The following CRTAC1 variants were observed in gnomAD, a reference collection of about 807,000 sequenced individuals.
The protein encoded by CRTAC1 is cartilage acidic protein 1.
Under a neutral mutation model 67.8 loss-of-function variants are expected in CRTAC1, and 37 were observed. The observed-to-expected ratio is 0.55, with a 90% CI of 0.42 to 0.72. The LOEUF (loss-of-function observed/expected upper bound fraction) is 0.72, where lower values mean the gene tolerates loss of function less well. CRTAC1 is among the 30% of genes least tolerant of loss of function. The pLI is 0.00. For synonymous variants in CRTAC1, 348 were observed against 371.0 expected (o/e 0.94, Z 0.71); for missense variants, 780 against 931.6 (o/e 0.84, Z 2.12).
intron 2 of CRTAC1, among the ~76,000 whole-genome samples, chr10:97,940,686 C>T (rs997488029): frequency 2.0e-5 from 3 of 152,202 alleles, no homozygotes; most frequent in Non-Finnish European, 4.4e-5. Flanking sequence ...CCTGCCACCT[C>T]CTGGTCTGAC....
chr10:97,873,191 T>G (rs1486324839), intron 14 of CRTAC1, among the ~76,000 whole-genome samples: 1 of 152,036 alleles, frequency 6.6e-6, no homozygotes, highest in Non-Finnish European at 1.5e-5. Context: ...AGGGTCTGGA[T>G]TTCAAGTCCA....
At chr10:97,926,697 G>A (rs986201427) in intron 3 of CRTAC1, among the ~76,000 whole-genome samples, 2 of 152,168 alleles carry the variant, frequency 1.3e-5, no homozygotes, top group African/African-American at 4.8e-5. Flanking sequence ...ATTAGCCCAG[G>A]ACAGGTTTTG....
chr10:98,004,567 T>TATCC (rs1377511608), intron 2 of CRTAC1, among the ~76,000 whole-genome samples: 1 of 152,214 alleles, frequency 6.6e-6, no homozygotes, highest in Non-Finnish European at 1.5e-5. Flanking sequence ...CATTTCTTGG[T>TATCC]ATCCATCCTA....
intron 2 of CRTAC1, among the ~76,000 whole-genome samples, chr10:97,982,404 C>A (rs1416850126): frequency 6.6e-6 from 1 of 152,198 alleles, no homozygotes; most frequent in African/African-American, 2.4e-5. Context: ...GAAGTTAAAT[C>A]AGTCAGTGGA....
rs1016726942 is a variant in CRTAC1, at chr10:97,907,938, G to A, written c.850+75C>T. 8 of 1,523,836 alleles carry A rather than the reference G, an allele frequency of 5.2e-6. No individual in the cohort carries two copies. In the African/African-American group the frequency reaches 1.1e-4, roughly 21 times the overall value. 94.4% of individuals were successfully genotyped at this position (1,523,836 alleles called of 1,614,324 possible). On this transcript the variant is annotated intron_variant, in intron 6 of 14. Transcript: ENST00000370597. ...GCCAGAAGAGACTATCCTGGAGGGG[G>A]CAGGGCAGTCTGGAGTCCTCTGTGG...
chr10:97,932,795 G>A (rs966292437), intron 3 of CRTAC1, among the ~76,000 whole-genome samples: 1 of 152,318 alleles, frequency 6.6e-6, no homozygotes, highest in East Asian at 1.9e-4. Flanking sequence ...GCCACTAGTG[G>A]GAGTTGAGCT....
In CRTAC1 at chr10:97,901,532, G is replaced by A; in HGVS notation, c.1104C>T (p.Tyr368=). The change falls in exon 8 of 15, where the codon TAC becomes TAT. Residue 368 remains tyrosine, a synonymous_variant. Coordinates refer to ENST00000370597, the MANE Select transcript of CRTAC1 (RefSeq NM_018058.7). ...ELEIFFNNIA[Y]RSSSANRLFR... is the part of the protein sequence containing the mutation. ...AGAGGCGGTTGGCTGAGGAGCTGCG[G>A]TAGGCAATGTTGTTGAAGAAGATCT... is the stretch of plus-strand genomic sequence containing the variant. The A allele has an allele frequency of 2.5e-6, 4 of 1,614,232 alleles. No individual in the cohort carries two copies. Among genetic ancestry groups the A allele is most frequent in the Non-Finnish European group, 3.4e-6 (4 of 1,180,050 alleles).
intron 14 of CRTAC1, among the ~76,000 whole-genome samples, chr10:97,875,403 C>A (rs1038266715): frequency 6.6e-6 from 1 of 152,212 alleles, no homozygotes; most frequent in Non-Finnish European, 1.5e-5. Flanking sequence ...CCTCTGGTGG[C>A]CTATTTTTTG....
rs575374914 is a variant in CRTAC1, at chr10:97,916,993, T to G, written c.715+507A>C. Among the ~76,000 whole-genome samples, 3 of 152,290 alleles carry G rather than the reference T, an allele frequency of 2.0e-5. No homozygotes were observed. In the South Asian group the frequency reaches 6.2e-4, roughly 32 times the overall value. On this transcript the variant is annotated intron_variant, in intron 5 of 14. Transcript: ENST00000370597. The stretch of plus-strand genomic sequence containing the variant: ...GCTGGAGAGGTTTTGGAACAAGAAC[T>G]CAATTCTTTGAGCTCAGTTATCCGA...
chr10:97,891,525 G>C (rs560777765), intron 11 of CRTAC1, among the ~76,000 whole-genome samples: 6 of 152,354 alleles, frequency 3.9e-5, no homozygotes, highest in Non-Finnish European at 7.3e-5. Context: ...CCAGTATGGC[G>C]GTGTGTCCAG....
At chr10:97,970,879 C>G (rs2051699449) in intron 2 of CRTAC1, among the ~76,000 whole-genome samples, 1 of 152,080 alleles carries the variant, frequency 6.6e-6, no homozygotes, top group Non-Finnish European at 1.5e-5. Flanking sequence ...ATAACAAGTG[C>G]CTATAGAGTA....
chr10:97,878,095 A>G (rs944250645), intron 14 of CRTAC1, among the ~76,000 whole-genome samples: 1 of 152,220 alleles, frequency 6.6e-6, no homozygotes, highest in Non-Finnish European at 1.5e-5. Context: ...ACAGTGACAG[A>G]GCTGCCTGTT....
chr10:98,002,522 G>A (rs1036864144), intron 2 of CRTAC1, among the ~76,000 whole-genome samples: 18 of 151,914 alleles, frequency 1.2e-4, no homozygotes, highest in South Asian at 2.1e-4. Context: ...AAGTGCTCTC[G>A]ACCCCCCAAC....
At chr10:97,957,910 TG>T (rs1338168453) in intron 2 of CRTAC1, among the ~76,000 whole-genome samples, 4 of 152,104 alleles carry the variant, frequency 2.6e-5, no homozygotes, top group African/African-American at 9.7e-5. Context: ...TCATAACCTA[TG>T]TGACATGGCT....
At chr10:98,023,043 G>A (rs1479802434) in intron 1 of CRTAC1, among the ~76,000 whole-genome samples, 1 of 152,136 alleles carries the variant, frequency 6.6e-6, no homozygotes, top group Non-Finnish European at 1.5e-5. Context: ...TTCCTAGTTT[G>A]TCTCCAGTGG....
At chr10:97,881,296 C>T (rs1241625040) in intron 13 of CRTAC1, among the ~76,000 whole-genome samples, 1 of 152,214 alleles carries the variant, frequency 6.6e-6, no homozygotes, top group Admixed American at 6.5e-5. Context: ...TGTCCTGTCT[C>T]CCGCTTTTCA....
rs200399253 is a variant in CRTAC1 at position 97,967,001 on chromosome 10, C to T, written c.225-30635G>A. On this transcript the variant is annotated intron_variant, in intron 2 of 14. Coordinates refer to ENST00000370597, the MANE Select transcript of CRTAC1 (RefSeq NM_018058.7). ...TTCTCCATTGTAAAGTCACCCCCCC[C>T]CCCCCGACATCCTACATGCTTCAGA... Among the ~76,000 whole-genome samples, 212 of 148,978 alleles carry T rather than the reference C, an allele frequency of 1.4e-3. 2 individuals carry two copies. The highest frequency in any genetic ancestry group is 4.7e-3 in the African/African-American group (188 of 40,408).
intron 5 of CRTAC1, among the ~76,000 whole-genome samples, chr10:97,916,182 T>C (rs2050756722): frequency 2.1e-5 from 3 of 145,872 alleles, no homozygotes; most frequent in African/African-American, 7.5e-5. Context: ...CCTTGCAAGA[T>C]CAAGGCACTT....
rs536704942 is a variant in CRTAC1, at chr10:97,975,958, C to A, written c.224+35180G>T. Among the ~76,000 whole-genome samples the A allele has an allele frequency of 6.6e-6, 1 of 152,284 alleles. No homozygotes were observed. Among genetic ancestry groups the A allele is most frequent in the African/African-American group, 2.4e-5 (1 of 41,562 alleles). On this transcript the variant is annotated intron_variant, in intron 2 of 14. Coordinates refer to ENST00000370597, the MANE Select transcript of CRTAC1 (RefSeq NM_018058.7). This position sits in a 1 kb window ranked among gnomAD's most constrained non-coding sequence, Gnocchi z 4.8. ...CCGAACCACATCTTACATCTTCGGG[C>A]CCCTATAGAGACCACTGACGTGGAG...
Sources: gnomAD v4.1 joint callset for allele counts (sites outside exome capture counted in the v4.1 genomes callset) on GRCh38, gnomAD v4.1.1 for gene constraint, Gnocchi (gnomAD v3.1) non-coding constraint, MANE v1.5 for transcripts, NCBI Gene and HGNC (gene_info 2026-07-23, HGNC 2026-07-21) for gene names.